The following MAGI2 variants were observed in gnomAD, a reference collection of about 807,000 sequenced individuals.
MAGI2 encodes membrane-associated guanylate kinase, WW and PDZ domain-containing protein 2.
A neutral mutation model predicts 133.3 loss-of-function variants in MAGI2; 35 were observed. That is an observed-to-expected ratio of 0.26 (90% CI 0.20 to 0.35). MAGI2 has a LOEUF of 0.35. Among genes scored for constraint, MAGI2 ranks in the 10% least tolerant of loss-of-function variants. The pLI, the probability that MAGI2 is intolerant of heterozygous loss-of-function variation, is 1.00. For synonymous variants in MAGI2, 729 were observed against 710.6 expected (o/e 1.03, Z -0.41); for missense variants, 1,636 against 1,863.4 (o/e 0.88, Z 2.25).
intron 1 of MAGI2, among the ~76,000 whole-genome samples, chr7:79,039,888 T>C (rs1173207350): frequency 6.8e-6 from 1 of 147,190 alleles, no homozygotes; most frequent in African/African-American, 2.5e-5. Flanking sequence ...ATATATAATA[T>C]ATACAATGAA....
intron 2 of MAGI2, among the ~76,000 whole-genome samples, chr7:78,989,453 A>G (rs959821598): frequency 2.3e-4 from 35 of 152,032 alleles, no homozygotes; most frequent in Non-Finnish European, 2.9e-5. Flanking sequence ...TGATAGCACA[A>G]TGGGGCAAGG....
At chr7:78,444,200 ATCATAAACAAC>A (rs1283861409) in intron 6 of MAGI2, among the ~76,000 whole-genome samples, 1 of 152,140 alleles carries the variant, frequency 6.6e-6, no homozygotes, top group Non-Finnish European at 1.5e-5. Flanking sequence ...AAATTTAGTA[ATCATAAACAAC>A]TCAGTTAGTT....
intron 2 of MAGI2, among the ~76,000 whole-genome samples, chr7:78,752,545 G>A (rs1236964058): frequency 6.6e-6 from 1 of 152,228 alleles, no homozygotes; most frequent in South Asian, 2.1e-4. Context: ...AGAGGTTGCA[G>A]TGAGCCAAGG....
chr7:78,557,097 A>AAAAAGAAAG (rs1554473311), intron 3 of MAGI2, among the ~76,000 whole-genome samples: 20 of 138,980 alleles, frequency 1.4e-4, no homozygotes, highest in African/African-American at 4.5e-4. Context: ...AAAAAAAAAA[A>AAAAAGAAAG]AAAGAAAAAG....
chr7:78,734,166 G>C (rs1295907105), intron 2 of MAGI2, among the ~76,000 whole-genome samples: 1 of 152,146 alleles, frequency 6.6e-6, no homozygotes, highest in Non-Finnish European at 1.5e-5. Context: ...GACAGATTAT[G>C]ATTTTTCTCT....
At chr7:78,758,903 G>T (rs972732036) in intron 2 of MAGI2, among the ~76,000 whole-genome samples, 2 of 152,042 alleles carry the variant, frequency 1.3e-5, no homozygotes, top group African/African-American at 4.8e-5. Context: ...CATTACTCTG[G>T]TAGTTAATCT....
intron 3 of MAGI2, among the ~76,000 whole-genome samples, chr7:78,624,965 T>C (rs986289636): frequency 1.3e-5 from 2 of 151,888 alleles, no homozygotes; most frequent in African/African-American, 2.4e-5. Flanking sequence ...CCTTAGGAGG[T>C]ATTCCAGAAG....
intron 1 of MAGI2, chr7:79,172,976 T>C (rs1228181723): frequency 6.6e-6 from 1 of 152,066 alleles, no homozygotes; most frequent in South Asian, 2.1e-4. Context: ...GGAATATGCA[T>C]ATGTTTACAG....
rs142743171 is a variant in MAGI2 at position 78,632,615 on chromosome 7, G to A, written c.419-5376C>T. 6.3e-3 allele frequency among the ~76,000 whole-genome samples: 960 copies of A among 152,250 alleles called. 6 individuals carry two copies. The highest frequency in any genetic ancestry group is 0.011 in the Non-Finnish European group (771 of 68,022). On this transcript the variant is annotated intron_variant, in intron 2 of 21. Coordinates refer to ENST00000354212, the MANE Select transcript of MAGI2 (RefSeq NM_012301.4). ...AGGTCATTTGGCTTAACATCTTGGC[G>A]CCTCATACAGGTATTTCTGAACTAT...
At chr7:79,387,941 A>C (rs977094261) in intron 1 of MAGI2, among the ~76,000 whole-genome samples, 1 of 152,020 alleles carries the variant, frequency 6.6e-6, no homozygotes, top group African/African-American at 2.4e-5. Context: ...TTAAATGAAT[A>C]ATTTACATTA....
At chr7:79,229,273 T>C (rs1563020104) in intron 1 of MAGI2, among the ~76,000 whole-genome samples, 1 of 152,250 alleles carries the variant, frequency 6.6e-6, no homozygotes, top group Non-Finnish European at 1.5e-5. Flanking sequence ...GTTCAGAACA[T>C]TATTGTTTTT....
chr7:79,109,960 C>T (rs755277561), intron 1 of MAGI2, among the ~76,000 whole-genome samples: 7 of 152,168 alleles, frequency 4.6e-5, no homozygotes, highest in Non-Finnish European at 8.8e-5. Flanking sequence ...TGCCCTGTGC[C>T]ACCCTAGGAG....
intron 1 of MAGI2, among the ~76,000 whole-genome samples, chr7:79,219,491 T>G (rs1286900987): frequency 3.5e-4 from 53 of 152,072 alleles, no homozygotes; most frequent in Non-Finnish European, 7.4e-5. Context: ...TGAAATCACT[T>G]TCAATTAATA....
intron 6 of MAGI2, among the ~76,000 whole-genome samples, chr7:78,398,315 G>A (rs1181269574): frequency 6.6e-6 from 1 of 152,134 alleles, no homozygotes. Flanking sequence ...TCTGGAGGAT[G>A]CTTGTTGAAA....
At chr7:79,367,856 G>GATATATATATATATATATATATATAT (rs1842799465) in intron 1 of MAGI2, among the ~76,000 whole-genome samples, 1 of 69,992 alleles carries the variant, frequency 1.4e-5, no homozygotes, top group African/African-American at 8.2e-5. Flanking sequence ...TTATATATGT[G>GATATATATATATATATATATATATAT]ACATATATAT....
intron 10 of MAGI2, among the ~76,000 whole-genome samples, chr7:78,239,140 AG>A (rs1790867414): frequency 6.6e-6 from 1 of 152,182 alleles, no homozygotes; most frequent in Non-Finnish European, 1.5e-5. Context: ...TGTCTGACAA[AG>A]TTTCCAGGAA....
At chr7:79,014,628 C>A (rs943243903) in intron 1 of MAGI2, among the ~76,000 whole-genome samples, 2 of 151,920 alleles carry the variant, frequency 1.3e-5, no homozygotes, top group South Asian at 2.1e-4. Flanking sequence ...AAATTCAATC[C>A]ATTTTTTTTA....
intron 1 of MAGI2, among the ~76,000 whole-genome samples, chr7:79,254,493 C>T (rs1263796929): frequency 1.8e-4 from 27 of 152,212 alleles, no homozygotes. Flanking sequence ...CTTCTCTTCT[C>T]TTTATGTTTA....
rs560361639 is a variant in MAGI2, at chr7:78,450,807, G to A, written c.1045+38954C>T. On this transcript the variant is annotated intron_variant, in intron 6 of 21. Coordinates refer to ENST00000354212, the MANE Select transcript of MAGI2 (RefSeq NM_012301.4). ...GTCATCCCAACTCTTCATCTAGTTT[G>A]TTTTCTAGCATGGGCAGTCATTAGT... 2.6e-5 allele frequency among the ~76,000 whole-genome samples: 4 copies of A among 152,148 alleles called. No individual in the cohort carries two copies. The East Asian group carries it at 7.8e-4, about 29-fold the overall frequency.
Sources: gnomAD v4.1 joint callset for allele counts (sites outside exome capture counted in the v4.1 genomes callset) on GRCh38, gnomAD v4.1.1 for gene constraint, MANE v1.5 for transcripts, NCBI Gene and HGNC (gene_info 2026-07-23, HGNC 2026-07-21) for gene names.